Variants in METTL15 observed in about 807,000 individuals in gnomAD.
METTL15 encodes methyltransferase 15, mitochondrial 12S rRNA N4-cytidine, also known as 12S rRNA N(4)-cytidine methyltransferase METTL15.
A neutral mutation model predicts 38.3 loss-of-function variants in METTL15; 34 were observed. That is an observed-to-expected ratio of 0.89 (90% CI 0.68 to 1.18). The LOEUF (loss-of-function observed/expected upper bound fraction) is 1.18. METTL15 is among the 50% of genes most tolerant of loss of function. METTL15 has a pLI of 0.00. For missense variants in METTL15, 438 were observed against 498.4 expected (o/e 0.88, Z 1.15); for synonymous variants, 162 against 170.9 (o/e 0.95, Z 0.41).
At chr11:28,255,241 CT>C (rs1166328425) in intron 4 of METTL15, among the ~76,000 whole-genome samples, 6 of 151,976 alleles carry the variant, frequency 3.9e-5, no homozygotes, top group African/African-American at 1.4e-4. Flanking sequence ...AATTGGATTA[CT>C]TTCTTGATTT....
At chr11:28,289,301 C>G (rs369045890) in intron 4 of METTL15, among the ~76,000 whole-genome samples, 2 of 152,116 alleles carry the variant, frequency 1.3e-5, no homozygotes, top group East Asian at 3.9e-4. Flanking sequence ...TTTACTTTCT[C>G]CATTGGAATT....
At chr11:28,188,683 G>C (rs542244314) in intron 3 of METTL15, among the ~76,000 whole-genome samples, 1 of 151,256 alleles carries the variant, frequency 6.6e-6, no homozygotes, top group African/African-American at 2.4e-5. Context: ...TAGTTTTAGA[G>C]TTTTGCTGCC....
chr11:28,210,244 A>G (rs756525793), intron 3 of METTL15, among the ~76,000 whole-genome samples: 5 of 151,992 alleles, frequency 3.3e-5, no homozygotes, highest in African/African-American at 4.8e-5. Flanking sequence ...ACATCCTATC[A>G]TGTTGTCCTG....
chr11:28,402,861 A>G (rs984576255), intron 5 of METTL15, among the ~76,000 whole-genome samples: 5 of 151,512 alleles, frequency 3.3e-5, no homozygotes, highest in African/African-American at 1.2e-4. Flanking sequence ...TGAGTCTCCA[A>G]TGTTTGTCAT....
chr11:28,452,658 C>A (rs569179426), intron 6 of METTL15, among the ~76,000 whole-genome samples: 2 of 152,132 alleles, frequency 1.3e-5, no homozygotes, highest in Non-Finnish European at 2.9e-5. Context: ...GGTTATGATG[C>A]CACGTCAGAG....
intron 6 of METTL15, among the ~76,000 whole-genome samples, chr11:28,491,997 G>T (rs1473709966): frequency 6.6e-6 from 1 of 152,084 alleles, no homozygotes; most frequent in African/African-American, 2.4e-5. Context: ...TACCCTGTTT[G>T]CATTGTATAA....
chr11:28,214,015 CATT>C (rs1229439029), intron 4 of METTL15, among the ~76,000 whole-genome samples: 1 of 152,086 alleles, frequency 6.6e-6, no homozygotes, highest in African/African-American at 2.4e-5. Flanking sequence ...TTTCAGTTAA[CATT>C]ATGAATTTAG....
chr11:28,170,696 C>T (rs1316361546), intron 3 of METTL15, among the ~76,000 whole-genome samples: 1 of 151,988 alleles, frequency 6.6e-6, no homozygotes, highest in Non-Finnish European at 1.5e-5. Context: ...ACTGTCATGG[C>T]CCTAGTGAGA....
chr11:28,440,963 A>G (rs1051296363), intron 6 of METTL15, among the ~76,000 whole-genome samples: 14 of 152,062 alleles, frequency 9.2e-5, no homozygotes, highest in Admixed American at 7.2e-4. Flanking sequence ...GCTGTTAAGT[A>G]TAAAATTCAC....
At chr11:28,514,396 T>C (rs892075503) in intron 6 of METTL15, among the ~76,000 whole-genome samples, 1 of 152,162 alleles carries the variant, frequency 6.6e-6, no homozygotes, top group African/African-American at 2.4e-5. Context: ...CTTGAAGATA[T>C]AGATGTCATA....
At chr11:28,375,464 G>A (rs1355009820) in intron 5 of METTL15, among the ~76,000 whole-genome samples, 5 of 151,658 alleles carry the variant, frequency 3.3e-5, no homozygotes, top group South Asian at 2.1e-4. Flanking sequence ...AGAGGTGTTT[G>A]TAGTATTCTC....
At chr11:28,291,332 C>T (rs1014686901) in intron 5 of METTL15, among the ~76,000 whole-genome samples, 7 of 152,060 alleles carry the variant, frequency 4.6e-5, no homozygotes, top group African/African-American at 1.7e-4. Flanking sequence ...AGGCGTGAGC[C>T]ACCATTACCG....
intron 6 of METTL15, among the ~76,000 whole-genome samples, chr11:28,308,167 A>G (rs1303808112): frequency 6.6e-6 from 1 of 151,852 alleles, no homozygotes; most frequent in African/African-American, 2.4e-5. Flanking sequence ...TCTTTATTTT[A>G]TAGTTATTCT....
chr11:28,113,323 T>G lies in METTL15; in HGVS notation c.-12T>G. 6.5e-7 allele frequency: 1 copy of G among 1,528,284 alleles called. No individual in the cohort carries two copies. Among genetic ancestry groups the G allele is most frequent in the Non-Finnish European group, 8.8e-7 (1 of 1,131,556 alleles). The allele number at this position is 1,528,284 out of a possible 1,614,324, so 94.7% of individuals were successfully genotyped here. On this transcript the variant is annotated 5_prime_UTR_variant, in exon 3 of 7. Coordinates refer to ENST00000407364, the MANE Select transcript of METTL15 (RefSeq NM_001113528.2). ...ATTTTAATTTTTTTTTCTAGATTTGTTTACCTACAAAATGCTTCGGTATCC... is the reference window on the plus strand; with the variant it reads ...ATTTTAATTTTTTTTTCTAGATTTGGTTACCTACAAAATGCTTCGGTATCC...
chr11:28,127,553 C>A (rs1229221457), intron 3 of METTL15, among the ~76,000 whole-genome samples: 1 of 152,024 alleles, frequency 6.6e-6, no homozygotes, highest in African/African-American at 2.4e-5. Flanking sequence ...AATATTTATT[C>A]TTAACTTTTT....
downstream of METTL15, among the ~76,000 whole-genome samples, chr11:28,529,174 T>C (rs780131371): frequency 6.6e-6 from 1 of 152,136 alleles, no homozygotes; most frequent in African/African-American, 2.4e-5. Flanking sequence ...GTATACGACA[T>C]GTCTCAGAAA....
At chr11:28,417,464 TAAATC>T (rs1438161384) in intron 5 of METTL15, among the ~76,000 whole-genome samples, 4 of 152,230 alleles carry the variant, frequency 2.6e-5, no homozygotes, top group Admixed American at 6.5e-5. Flanking sequence ...GACTCGAAGA[TAAATC>T]AAATCACAAA....
chr11:28,194,188 C>T (rs1300431047), intron 3 of METTL15, among the ~76,000 whole-genome samples: 799 of 38,268 alleles, frequency 0.021, 4 homozygotes, highest in Non-Finnish European at 0.028. Flanking sequence ...CTCTCTCTCT[C>T]TCTCCTCTCT....
chr11:28,339,243 A>C (rs193185575), intron 3 of METTL15, among the ~76,000 whole-genome samples: 213 of 152,222 alleles, frequency 1.4e-3, no homozygotes, highest in African/African-American at 5.0e-3. Context: ...TAAATCAAAA[A>C]GTGACCAGTC....
Sources: gnomAD v4.1 joint callset for allele counts (sites outside exome capture counted in the v4.1 genomes callset) on GRCh38, gnomAD v4.1.1 for gene constraint, MANE v1.5 for transcripts, NCBI Gene and HGNC (gene_info 2026-07-23, HGNC 2026-07-21) for gene names.